SLC9B2: variants seen among roughly 807,000 people sequenced by gnomAD.
The protein encoded by SLC9B2 is sodium/hydrogen exchanger 9B2.
In SLC9B2, 39 loss-of-function variants were observed where a neutral mutation model predicts 52.2. That is an observed-to-expected ratio of 0.75 (90% CI 0.58 to 0.98). SLC9B2 has a LOEUF of 0.98. SLC9B2 is among the 50% of genes least tolerant of loss of function. SLC9B2 has a pLI of 0.00. For synonymous variants in SLC9B2, 214 were observed against 227.0 expected (o/e 0.94, Z 0.51); for missense variants, 626 against 637.5 (o/e 0.98, Z 0.19).
chr4:103,062,344 A>G (rs1745726127), intron 3 of SLC9B2, among the ~76,000 whole-genome samples: 1 of 151,564 alleles, frequency 6.6e-6, no homozygotes, highest in Admixed American at 6.6e-5. Flanking sequence ...GCTTGAACCC[A>G]GGAGGTGGAG....
At chr4:103,021,941 A>C (rs72943504), downstream of SLC9B2, among the ~76,000 whole-genome samples, 1,870 of 152,340 alleles carry the variant, frequency 0.012, 37 homozygotes, top group African/African-American at 0.042. Context: ...GGTCTAGTTC[A>C]AGTATCAGTT....
At chr4:103,036,238 C>T (rs1329581481) in intron 9 of SLC9B2, among the ~76,000 whole-genome samples, 1 of 152,174 alleles carries the variant, frequency 6.6e-6, no homozygotes, top group Non-Finnish European at 1.5e-5. Flanking sequence ...ATCGATGGAG[C>T]TGGAGGCCAT....
At chr4:103,048,129 T>C (rs1300587279) in intron 6 of SLC9B2, among the ~76,000 whole-genome samples, 2 of 152,244 alleles carry the variant, frequency 1.3e-5, no homozygotes, top group African/African-American at 4.8e-5. Context: ...GACAGTCACA[T>C]TGATACCAGT....
chr4:103,020,574 A>AT (rs1310411873), downstream of SLC9B2, among the ~76,000 whole-genome samples: 2 of 152,138 alleles, frequency 1.3e-5, no homozygotes, highest in African/African-American at 4.8e-5. Flanking sequence ...CTTAGTCATC[A>AT]TCTAAGATCT....
At chr4:103,072,251 G>GA (rs1746723664) in intron 1 of SLC9B2, among the ~76,000 whole-genome samples, 1 of 151,816 alleles carries the variant, frequency 6.6e-6, no homozygotes, top group South Asian at 2.1e-4. Context: ...TAGAGATGGG[G>GA]TTTCACCATG....
chr4:103,075,541 C>T (rs1426887900), intron 1 of SLC9B2, among the ~76,000 whole-genome samples: 1 of 152,176 alleles, frequency 6.6e-6, no homozygotes. Flanking sequence ...CTGCCTGGGT[C>T]CATAGTACAT....
At chr4:103,050,143 C>T in intron 5 of SLC9B2, 97 bp downstream of exon 5, 5 of 1,080,588 alleles carry the variant, frequency 4.6e-6, no homozygotes, top group Non-Finnish European at 6.3e-6. Flanking sequence ...TGCAAAGTGT[C>T]CACATCCATT....
At chr4:103,050,406 T>A (rs771149597) in intron 4 of SLC9B2, 24 bp from the exon 5 acceptor site, 3 of 1,544,448 alleles carry the variant, frequency 1.9e-6, no homozygotes, top group Non-Finnish European at 2.6e-6. Flanking sequence ...ATCAAACATA[T>A]CTAGTTAGTT....
chr4:103,076,316 G>C lies in SLC9B2; in HGVS notation c.-175C>G, dbSNP rs1242565558. 1 of 152,366 alleles carries C rather than the reference G, an allele frequency of 6.6e-6. No homozygotes were observed. The highest frequency in any genetic ancestry group is 1.5e-5 in the Non-Finnish European group (1 of 68,116). 9.4% of individuals were successfully genotyped at this position (152,366 alleles called of 1,614,324 possible). ...TTCGCGCATCTTCCCAGGCTGAGCC[G>C]GGAGGCTGCGTTGACTGCAGATAAA... On this transcript the variant is annotated 5_prime_UTR_variant, in exon 1 of 12. Transcript: ENST00000394785.
At chr4:103,039,888 C>T (rs540442810) in intron 9 of SLC9B2, among the ~76,000 whole-genome samples, 4 of 151,914 alleles carry the variant, frequency 2.6e-5, no homozygotes, top group East Asian at 1.9e-4. Context: ...CCTCATGATC[C>T]GCCCACTTCG....
chr4:103,052,734 A>T (rs1220452992), intron 4 of SLC9B2, among the ~76,000 whole-genome samples: 2 of 148,752 alleles, frequency 1.3e-5, no homozygotes, highest in African/African-American at 5.0e-5. Flanking sequence ...TTTTTTTGAG[A>T]CAGGGTCTTG....
rs74907975 is a variant in SLC9B2, at chr4:103,063,447, G to C, written c.271+2880C>G. Among the ~76,000 whole-genome samples the C allele has an allele frequency of 7.5e-3, 1,137 of 152,148 alleles. 14 individuals are homozygous for C. Among genetic ancestry groups the C allele is most frequent in the African/African-American group, 0.026 (1,081 of 41,512 alleles). On this transcript the variant is annotated intron_variant, in intron 3 of 11. Transcript: ENST00000394785. ...TTCAGAGCCCACAAAGTATAACTAT[G>C]GAATTGAGTCTCATTTTTCAGTAAA...
rs903619376 is a variant in SLC9B2, at chr4:103,025,395, G to T, written c.*975C>A. The T allele has an allele frequency of 6.6e-5, 10 of 152,192 alleles. No individual in the cohort carries two copies. Among genetic ancestry groups the T allele is most frequent in the Admixed American group, 3.9e-4 (6 of 15,274 alleles). The allele number at this position is 152,192 out of a possible 1,614,324, so 9.4% of individuals were successfully genotyped here. A position where few individuals can be genotyped will look rare whatever the true frequency, so the allele number is the denominator to read the frequency against. ...ATAAATAGGTTAAGCCATGTCCTAA[G>T]CTAGGGAATGGCAGAGCTTCAGGAC... On this transcript the variant is annotated 3_prime_UTR_variant, in exon 12 of 12. Coordinates refer to ENST00000394785, the MANE Select transcript of SLC9B2 (RefSeq NM_178833.7).
rs1744227386 is a variant in SLC9B2, at chr4:103,047,194, A to C, written c.746T>G (p.Val249Gly). 3.1e-6 allele frequency: 5 copies of C among 1,613,684 alleles called. No individual in the cohort carries two copies. In the South Asian group the frequency reaches 5.5e-5, roughly 18 times the overall value. The change falls in exon 7 of 12, where the codon GTG (valine) becomes GGG (glycine). Residue 249 changes from valine to glycine, a missense_variant. Val to Gly is a moderately radical substitution (Grantham distance 109, BLOSUM62 -3). Coordinates refer to ENST00000394785, the MANE Select transcript of SLC9B2 (RefSeq NM_178833.7). ...FVLGAVSPAV[V>G]VPSMLLLQGG... ...CTGCAAAAGGAGCATTGAAGGCACC[A>C]CAACAGCTGGAGATACAGCACCTAA...
At chr4:103,039,959 T>G (rs937225239) in intron 9 of SLC9B2, among the ~76,000 whole-genome samples, 5 of 152,116 alleles carry the variant, frequency 3.3e-5, no homozygotes, top group African/African-American at 1.2e-4. Flanking sequence ...AATGGTATAT[T>G]CTTATCCTGG....
intron 3 of SLC9B2, among the ~76,000 whole-genome samples, chr4:103,065,925 C>A (rs922971648): frequency 6.6e-6 from 1 of 152,338 alleles, no homozygotes; most frequent in East Asian, 1.9e-4. Flanking sequence ...TAGGATTCAT[C>A]TGGAAGTATA....
At chr4:103,029,098 C>T (rs755121060) in intron 10 of SLC9B2, among the ~76,000 whole-genome samples, 4 of 151,918 alleles carry the variant, frequency 2.6e-5, no homozygotes, top group South Asian at 2.1e-4. Context: ...AGATTAAAAC[C>T]AGAAATTAAG....
Position 103,050,331 on chromosome 4 carries a change from T to A in SLC9B2, c.494A>T (p.Asn165Ile). 1 of 1,609,948 alleles carries A rather than the reference T, an allele frequency of 6.2e-7. No homozygotes were observed. Among genetic ancestry groups the A allele is most frequent in the Non-Finnish European group, 8.5e-7 (1 of 1,178,232 alleles). Reference protein sequence around the residue: ...LIRNIPVINDNVQIKHKWSSS... With the variant: ...LIRNIPVINDIVQIKHKWSSS... ...AGACCACTTGTGCTTGATCTGCACATTATCGTTGATGACTGGGATATTTCT... is the reference window on the plus strand; with the variant it reads ...AGACCACTTGTGCTTGATCTGCACAATATCGTTGATGACTGGGATATTTCT... The change falls in exon 5 of 12, where the codon AAT (asparagine) becomes ATT (isoleucine). Residue 165 changes from asparagine to isoleucine, a missense_variant. By Grantham distance (149) the Asn-to-Ile change is moderately radical (BLOSUM62 -3). Transcript: ENST00000394785.
In SLC9B2 at chr4:103,035,658, G is replaced by A. The variant is rs114034323; in HGVS notation, c.1147-3850C>T. ...ATGATGGTGAGGTTGTGGAGAAAAG[G>A]GAATGCTGATACACTGCTGGTGGGA... On this transcript the variant is annotated intron_variant, in intron 9 of 11. Transcript: ENST00000394785. Among the ~76,000 whole-genome samples, 1,503 of 152,212 alleles carry A rather than the reference G, an allele frequency of 9.9e-3. 33 individuals are homozygous for A. The highest frequency in any genetic ancestry group is 0.034 in the African/African-American group (1,418 of 41,520).
Sources: allele counts gnomAD v4.1 joint callset (sites outside exome capture counted in the v4.1 genomes callset), GRCh38; gene constraint gnomAD v4.1.1; transcripts MANE v1.5; gene names NCBI Gene and HGNC (gene_info 2026-07-23, HGNC 2026-07-21).